The following ZC3H11A variants were observed in gnomAD, a reference collection of about 807,000 sequenced individuals.
ZC3H11A encodes zinc finger CCCH domain-containing protein 11A.
ZC3H11A carries 22 observed loss-of-function variants against 90.8 expected under a neutral mutation model. That is an observed-to-expected ratio of 0.24 (90% CI 0.17 to 0.35). The LOEUF (loss-of-function observed/expected upper bound fraction) is 0.35, where lower values mean the gene tolerates loss of function less well. Ranked by LOEUF, ZC3H11A falls within the 10% of genes least tolerant of loss-of-function variation. The pLI, the probability that ZC3H11A is intolerant of heterozygous loss-of-function variation, is 1.00. For synonymous variants in ZC3H11A, 294 were observed against 339.8 expected, an observed-to-expected ratio of 0.87 and a Z score of 1.48; for missense variants, 701 against 964.9, an observed-to-expected ratio of 0.73 and a Z score of 3.62.
chr1:203,851,190 A>C, intron 17 of ZC3H11A, 66 bp downstream of exon 17: 1 of 1,356,376 alleles, frequency 7.4e-7, no homozygotes, highest in Non-Finnish European at 1.0e-6. Flanking sequence ...TCTCTAGAGA[A>C]TAACACTGAT....
At chr1:203,834,313 C>A (rs2103088916) in intron 10 of ZC3H11A, among the ~76,000 whole-genome samples, 1 of 152,170 alleles carries the variant, frequency 6.6e-6, no homozygotes, top group South Asian at 2.1e-4. Context: ...GTTTTGTTAC[C>A]CAGGCTGGAG....
chr1:203,841,199 C>T lies in ZC3H11A; in HGVS notation c.1042+825C>T, dbSNP rs570933061. Among the ~76,000 whole-genome samples, 164 of 138,406 alleles carry T rather than the reference C, an allele frequency of 1.2e-3. 1 individual carries two copies. The highest frequency in any genetic ancestry group is 4.3e-3 in the African/African-American group (158 of 36,758). 90.8% of individuals were successfully genotyped at this position (138,406 alleles called of 152,430 possible). ...TTATTGATCATTCTTGGGTGTTTCTCGGAGAGGGGGATTGGCAGGGTCATA... is the reference window on the plus strand; with the variant it reads ...TTATTGATCATTCTTGGGTGTTTCTTGGAGAGGGGGATTGGCAGGGTCATA... On this transcript the variant is annotated intron_variant, in intron 12 of 17. Coordinates refer to ENST00000367210, the MANE Select transcript of ZC3H11A (RefSeq NM_001376342.1).
chr1:203,807,441 A>G (rs374796554), intron 2 of ZC3H11A, among the ~76,000 whole-genome samples: 2 of 151,676 alleles, frequency 1.3e-5, no homozygotes, highest in East Asian at 3.9e-4. Flanking sequence ...GTGACTCACT[A>G]TGCCTGGCTA....
At chr1:203,799,041 A>T in intron 1 of ZC3H11A, 1 of 1,536,150 alleles carries the variant, frequency 6.5e-7, no homozygotes, top group Non-Finnish European at 8.7e-7. Flanking sequence ...TTCTTTGGAA[A>T]CTGCGTCTTT....
chr1:203,797,661 A>G (rs1433101027), intron 1 of ZC3H11A: 2 of 1,536,104 alleles, frequency 1.3e-6, no homozygotes, highest in South Asian at 1.2e-5. Flanking sequence ...AGAGGAAAAG[A>G]TGGTAGCAGA....
At chr1:203,813,567 C>T (rs1013173855) in intron 2 of ZC3H11A, among the ~76,000 whole-genome samples, 2 of 152,100 alleles carry the variant, frequency 1.3e-5, no homozygotes, top group African/African-American at 4.8e-5. Flanking sequence ...TTTGACTATG[C>T]TTGTTATCTG....
intron 5 of ZC3H11A, chr1:203,829,211 CTTCTGTTGA>C (rs1397501155): frequency 1.8e-6 from 1 of 555,948 alleles, no homozygotes; most frequent in African/African-American, 1.9e-5. Flanking sequence ...TTCTTCTAGT[CTTCTGTTGA>C]TTCTGTTTTG....
At chr1:203,820,215 A>T (rs1238769541) in intron 4 of ZC3H11A, among the ~76,000 whole-genome samples, 1 of 151,170 alleles carries the variant, frequency 6.6e-6, no homozygotes, top group Non-Finnish European at 1.5e-5. Context: ...GGCCTGGGTG[A>T]CAGGGCGAGA....
chr1:203,796,601 G>A (rs969657993), intron 1 of ZC3H11A: 6 of 396,548 alleles, frequency 1.5e-5, no homozygotes, highest in African/African-American at 1.0e-4. Context: ...TGCTTTTTAG[G>A]GTAAATGTAT....
At chr1:203,810,136 GTTTTTGT>G (rs1039380438) in intron 2 of ZC3H11A, among the ~76,000 whole-genome samples, 4 of 150,214 alleles carry the variant, frequency 2.7e-5, no homozygotes, top group Admixed American at 1.3e-4. Context: ...TGTTTTTTTT[GTTTTTGT>G]TTTTTGTTTT....
intron 12 of ZC3H11A, among the ~76,000 whole-genome samples, chr1:203,840,965 T>C (rs1685936720): frequency 6.6e-6 from 1 of 152,018 alleles, no homozygotes; most frequent in South Asian, 2.1e-4. Context: ...AACTTAAATA[T>C]ACAATAAAAA....
chr1:203,796,166 A>G (rs1226091999), intron 1 of ZC3H11A: 1 of 343,252 alleles, frequency 2.9e-6, no homozygotes. Flanking sequence ...CCGAATCCCG[A>G]AGAGAGAACT....
At chr1:203,804,482 C>T (rs997532007) in intron 2 of ZC3H11A, among the ~76,000 whole-genome samples, 1 of 151,910 alleles carries the variant, frequency 6.6e-6, no homozygotes, top group East Asian at 1.9e-4. Flanking sequence ...TGTGAATGGT[C>T]TCTTCCTGTA....
chr1:203,828,205 G>T, intron 4 of ZC3H11A, 94 bp from the exon 5 acceptor site: 3 of 1,473,616 alleles, frequency 2.0e-6, no homozygotes, highest in South Asian at 2.5e-5. Flanking sequence ...TCGGATTTTT[G>T]AACCCTGTAT....
chr1:203,839,397 GTT>G (rs1238098541), intron 11 of ZC3H11A, among the ~76,000 whole-genome samples: 1 of 152,166 alleles, frequency 6.6e-6, no homozygotes, highest in East Asian at 1.9e-4. Context: ...TTAGATTTAT[GTT>G]TTTTCTGCTT....
intron 17 of ZC3H11A, among the ~76,000 whole-genome samples, chr1:203,851,858 A>G (rs1239308832): frequency 6.6e-6 from 1 of 150,736 alleles, no homozygotes; most frequent in Non-Finnish European, 1.5e-5. Context: ...AGACCCAGCT[A>G]CTTGGGAGGC....
chr1:203,809,799 C>G (rs1371404362), intron 2 of ZC3H11A, among the ~76,000 whole-genome samples: 1 of 151,922 alleles, frequency 6.6e-6, no homozygotes, highest in African/African-American at 2.4e-5. Context: ...ACTAAAAATA[C>G]AAAAATTAGC....
intron 13 of ZC3H11A, 143 bp from the exon 14 acceptor site, chr1:203,848,188 A>T (rs1688391836): frequency 2.8e-6 from 2 of 703,570 alleles, no homozygotes; most frequent in African/African-American, 1.8e-5. Context: ...GTATTTTGAG[A>T]CTTTAGGAGC....
chr1:203,850,296 A>G, intron 15 of ZC3H11A: 2 of 688,364 alleles, frequency 2.9e-6, no homozygotes, highest in Non-Finnish European at 4.9e-6. Context: ...GGAATAGAGG[A>G]ATGGTAACAA....
Sources: gnomAD v4.1 joint callset for allele counts (sites outside exome capture counted in the v4.1 genomes callset) on GRCh38, gnomAD v4.1.1 for gene constraint, MANE v1.5 for transcripts, NCBI Gene and HGNC (gene_info 2026-07-23, HGNC 2026-07-21) for gene names.